The following STARD13 variants were observed in gnomAD, a reference collection of about 807,000 sequenced individuals.
The protein encoded by STARD13 is stAR-related lipid transfer protein 13.
A neutral mutation model predicts 106.4 loss-of-function variants in STARD13; 62 were observed. That is an observed-to-expected ratio of 0.58 (90% CI 0.48 to 0.72). The LOEUF (loss-of-function observed/expected upper bound fraction) is 0.72, where lower values mean the gene tolerates loss of function less well. STARD13 is among the 30% of genes least tolerant of loss of function. The pLI is 0.00. For synonymous variants in STARD13, 565 were observed against 553.0 expected (o/e 1.02, Z -0.31); for missense variants, 1,387 against 1,424.0 (o/e 0.97, Z 0.42).
At chr13:33,440,767 ATTT>A in the STARD13 span, among the ~76,000 whole-genome samples, 310 of 60,092 alleles carry the variant, frequency 5.2e-3, 2 homozygotes, top group African/African-American at 0.019. Context: ...GAAAACAGCG[ATTT>A]TTTTTTTTTT....
At chr13:33,350,718 T>G, upstream of STARD13, 1 of 953,428 alleles carries the variant, frequency 1.0e-6, no homozygotes, top group Non-Finnish European at 1.2e-6. Context: ...TCCACTCCCC[T>G]CCCTCCCCTG....
At chr13:33,109,774 G>T in intron 12 of STARD13, 99 bp downstream of exon 12, 2 of 1,131,438 alleles carry the variant, frequency 1.8e-6, no homozygotes, top group Non-Finnish European at 1.3e-6. Flanking sequence ...TCCCCGTGGA[G>T]GCTGGACTTT....
At chr13:33,327,167 T>G (rs2077785130) in intron 1 of STARD13, among the ~76,000 whole-genome samples, 1 of 152,206 alleles carries the variant, frequency 6.6e-6, no homozygotes, top group African/African-American at 2.4e-5. Flanking sequence ...ACACTAGAAA[T>G]GTGATGATAA....
At chr13:33,522,594 A>T in the STARD13 span, among the ~76,000 whole-genome samples, 1 of 151,966 alleles carries the variant, frequency 6.6e-6, no homozygotes, top group Admixed American at 6.6e-5. Context: ...TGTCTTCTTA[A>T]TTTTGTCTTT....
intron 1 of STARD13, among the ~76,000 whole-genome samples, chr13:33,190,673 G>A (rs1213717521): frequency 4.0e-5 from 6 of 148,376 alleles, no homozygotes; most frequent in South Asian, 4.3e-4. Context: ...TGCAACCTCC[G>A]CCTCCAGGGT....
the STARD13 span, among the ~76,000 whole-genome samples, chr13:33,402,782 G>C: frequency 6.6e-6 from 1 of 152,218 alleles, no homozygotes; most frequent in Non-Finnish European, 1.5e-5. Context: ...AGTTCGGCTG[G>C]GGGTGGCCGG....
chr13:33,281,037 A>G (rs1891752082), intron 1 of STARD13: 2 of 152,170 alleles, frequency 1.3e-5, no homozygotes, highest in Non-Finnish European at 2.9e-5. Context: ...AGGTTCTAGT[A>G]TGTTACGTTT....
At chr13:33,246,226 A>C (rs7335065) in intron 1 of STARD13, among the ~76,000 whole-genome samples, 8,416 of 152,264 alleles carry the variant, frequency 0.055, 341 homozygotes, top group African/African-American at 0.11. Context: ...CATGCGCATC[A>C]AAGAGAGGTA....
At chr13:33,424,135 AT>A in the STARD13 span, among the ~76,000 whole-genome samples, 2 of 152,070 alleles carry the variant, frequency 1.3e-5, no homozygotes, top group Non-Finnish European at 2.9e-5. Flanking sequence ...CAAAAAAAAA[AT>A]CTGTTATACC....
At chr13:33,532,254 C>A in the STARD13 span, among the ~76,000 whole-genome samples, 30 of 152,082 alleles carry the variant, frequency 2.0e-4, no homozygotes, top group Non-Finnish European at 4.3e-4. Flanking sequence ...AATTATGTTA[C>A]CTTATTTTCT....
the STARD13 span, among the ~76,000 whole-genome samples, chr13:33,662,896 G>A: frequency 6.6e-6 from 1 of 152,156 alleles, no homozygotes; most frequent in Admixed American, 6.6e-5. Flanking sequence ...GGTTTCCATA[G>A]CAGTAAACAA....
chr13:33,424,124 A>G, the STARD13 span, among the ~76,000 whole-genome samples: 1 of 151,972 alleles, frequency 6.6e-6, no homozygotes. Flanking sequence ...AAAATCTGTA[A>G]CAAAAAAAAA....
At chr13:33,541,989 T>C in the STARD13 span, among the ~76,000 whole-genome samples, 15 of 152,318 alleles carry the variant, frequency 9.8e-5, no homozygotes, top group Middle Eastern at 3.4e-3. Flanking sequence ...CTTTAAAATT[T>C]GATAAAAGAC....
Position 33,203,563 on chromosome 13 carries a change from T to C in STARD13, c.170-35941A>G, listed in dbSNP as rs139542746. ...TTTAAAAATTACATATATTCAACCA[T>C]ACTAAATCAAAGCAGCATCACACCA... On this transcript the variant is annotated intron_variant, in intron 1 of 13. Transcript: ENST00000336934. 1.6e-3 allele frequency among the ~76,000 whole-genome samples: 241 copies of C among 152,264 alleles called. 1 individual carries two copies. The highest frequency in any genetic ancestry group is 5.5e-3 in the African/African-American group (230 of 41,548).
At chr13:33,342,849 C>A (rs924136339) in intron 1 of STARD13, among the ~76,000 whole-genome samples, 6 of 152,280 alleles carry the variant, frequency 3.9e-5, no homozygotes, top group Middle Eastern at 3.4e-3. Flanking sequence ...TTAGTACGTG[C>A]GTATGTACTA....
At chr13:33,529,510 C>T in the STARD13 span, among the ~76,000 whole-genome samples, 1 of 152,112 alleles carries the variant, frequency 6.6e-6, no homozygotes, top group South Asian at 2.1e-4. Flanking sequence ...GCCAGCCAGT[C>T]ATTCATTCAT....
intron 1 of STARD13, among the ~76,000 whole-genome samples, chr13:33,196,053 T>G (rs1339541328): frequency 6.6e-6 from 1 of 152,232 alleles, no homozygotes; most frequent in African/African-American, 2.4e-5. Context: ...AAATGTTATC[T>G]GTGTTTAAAA....
chr13:33,455,334 A>C, the STARD13 span, among the ~76,000 whole-genome samples: 1 of 152,194 alleles, frequency 6.6e-6, no homozygotes, highest in African/African-American at 2.4e-5. Flanking sequence ...AATTTGAGAG[A>C]GGCAGGGAGT....
the STARD13 span, among the ~76,000 whole-genome samples, chr13:33,668,781 T>C: frequency 1.3e-5 from 2 of 152,204 alleles, no homozygotes; most frequent in Non-Finnish European, 2.9e-5. Context: ...CATAATTGCA[T>C]CTAGCCCTGA....
Sources: gnomAD v4.1 joint callset for allele counts (sites outside exome capture counted in the v4.1 genomes callset) on GRCh38, gnomAD v4.1.1 for gene constraint, MANE v1.5 for transcripts, NCBI Gene and HGNC (gene_info 2026-07-23, HGNC 2026-07-21) for gene names.